The following SAMD3 variants were observed in gnomAD, a reference collection of about 807,000 sequenced individuals.
SAMD3 encodes sterile alpha motif domain containing 3.
In SAMD3, 63 loss-of-function variants were observed where a neutral mutation model predicts 58.5. The ratio of observed to expected loss-of-function variants is 1.08; its 90% CI spans 0.88 to 1.33. The LOEUF is 1.33. Among genes scored for constraint, SAMD3 ranks in the 40% most tolerant of loss-of-function variants. SAMD3 has a pLI of 0.00. For synonymous variants in SAMD3, 220 were observed against 210.3 expected (o/e 1.05, Z -0.40); for missense variants, 604 against 608.4 (o/e 0.99, Z 0.08).
At chr6:130,329,436 A>T (rs1283778678) in intron 1 of SAMD3, among the ~76,000 whole-genome samples, 5 of 152,260 alleles carry the variant, frequency 3.3e-5, no homozygotes, top group Admixed American at 2.6e-4. Context: ...TGAAATTTTT[A>T]AAAAGCCAAA....
downstream of SAMD3, chr6:130,143,902 G>GAGA (rs1788394574): frequency 6.6e-6 from 1 of 152,450 alleles, no homozygotes. Context: ...TTTCCAAGGC[G>GAGA]AGAAGCAGTA....
intron 1 of SAMD3, among the ~76,000 whole-genome samples, chr6:130,347,949 A>T (rs1043586972): frequency 6.6e-6 from 1 of 152,234 alleles, no homozygotes; most frequent in Non-Finnish European, 1.5e-5. Context: ...AAGAATTTTC[A>T]ACCCAGAATT....
At chr6:130,205,287 T>TTATTA (rs1794988336) in intron 5 of SAMD3, among the ~76,000 whole-genome samples, 1 of 150,172 alleles carries the variant, frequency 6.7e-6, no homozygotes, top group African/African-American at 2.5e-5. Context: ...AAGTTCTATT[T>TTATTA]TATTATATTT....
At chr6:130,202,144 T>C (rs1358212704) in intron 5 of SAMD3, among the ~76,000 whole-genome samples, 1 of 152,216 alleles carries the variant, frequency 6.6e-6, no homozygotes, top group Non-Finnish European at 1.5e-5. Context: ...TCCACAGATA[T>C]CTTCCCCTGA....
intron 2 of SAMD3, among the ~76,000 whole-genome samples, chr6:130,310,393 AC>A (rs771077228): frequency 6.6e-6 from 1 of 152,216 alleles, no homozygotes. Flanking sequence ...TTTATAATTA[AC>A]CAAAGGAATA....
chr6:130,264,799 C>T (rs1420410912), intron 2 of SAMD3, among the ~76,000 whole-genome samples: 3 of 152,116 alleles, frequency 2.0e-5, no homozygotes, highest in Non-Finnish European at 2.9e-5. Flanking sequence ...AAACTCATGT[C>T]GGCCTCAGTC....
intron 2 of SAMD3, among the ~76,000 whole-genome samples, chr6:130,256,373 A>G (rs1172531501): frequency 6.6e-6 from 1 of 152,120 alleles, no homozygotes; most frequent in Non-Finnish European, 1.5e-5. Flanking sequence ...GACCACATGT[A>G]ATTGTACTCC....
chr6:130,359,990 T>C (rs913385319), intron 1 of SAMD3, among the ~76,000 whole-genome samples: 2 of 152,222 alleles, frequency 1.3e-5, no homozygotes, highest in Admixed American at 6.5e-5. Flanking sequence ...TCTGTGGTTA[T>C]GTGATCTTAA....
At chr6:130,213,103 T>C (rs1003889501) in intron 4 of SAMD3, among the ~76,000 whole-genome samples, 7 of 152,028 alleles carry the variant, frequency 4.6e-5, no homozygotes, top group African/African-American at 1.7e-4. Context: ...GGCAACACAG[T>C]GAAACCACCA....
chr6:130,261,871 C>A (rs557393652), intron 2 of SAMD3, among the ~76,000 whole-genome samples: 1 of 152,158 alleles, frequency 6.6e-6, no homozygotes, highest in African/African-American at 2.4e-5. Flanking sequence ...CATACATAGA[C>A]ACTTGGTTAC....
rs191239390 is a variant in SAMD3 at position 130,230,411 on chromosome 6, G to A, written c.-187-7598C>T. ...TCTTCTTTTTTTTCTTTTTTTAGACGGAGTCTTGCTCTGTCTCCCAGGCTG... is the reference window on the plus strand; with the variant it reads ...TCTTCTTTTTTTTCTTTTTTTAGACAGAGTCTTGCTCTGTCTCCCAGGCTG... On this transcript the variant is annotated intron_variant, in intron 2 of 13. Coordinates refer to the SAMD3 transcript ENST00000368134. 5.3e-5 allele frequency among the ~76,000 whole-genome samples: 8 copies of A among 151,860 alleles called. No individual in the cohort carries two copies. In the East Asian group the frequency reaches 1.2e-3, roughly 22 times the overall value.
At chr6:130,215,588 G>T in intron 2 of SAMD3, 1 of 1,353,242 alleles carries the variant, frequency 7.4e-7, no homozygotes, top group African/African-American at 1.5e-5. Context: ...AGACAGCCAG[G>T]GACATACAAT....
intron 1 of SAMD3, among the ~76,000 whole-genome samples, chr6:130,353,388 CAT>C (rs1225260864): frequency 6.6e-6 from 1 of 152,132 alleles, no homozygotes; most frequent in East Asian, 1.9e-4. Context: ...GCACCTAACA[CAT>C]GTGTTTTTGT....
At chr6:130,261,483 C>T (rs938764630) in intron 2 of SAMD3, among the ~76,000 whole-genome samples, 2 of 152,090 alleles carry the variant, frequency 1.3e-5, no homozygotes, top group Non-Finnish European at 2.9e-5. Flanking sequence ...TTGCTTGATA[C>T]TTTGGTTTTG....
At chr6:130,198,790 C>A (rs1225100837) in intron 5 of SAMD3, among the ~76,000 whole-genome samples, 1 of 152,158 alleles carries the variant, frequency 6.6e-6, no homozygotes, top group Non-Finnish European at 1.5e-5. Context: ...AAAGGTCAGA[C>A]ACGCCAAAAA....
At chr6:130,253,868 G>A (rs1773832949) in intron 2 of SAMD3, among the ~76,000 whole-genome samples, 1 of 151,874 alleles carries the variant, frequency 6.6e-6, no homozygotes, top group African/African-American at 2.4e-5. Flanking sequence ...TGTTATTAGT[G>A]TATCTTCATT....
At position 130,292,273 on chromosome 6, in the gene SAMD3, T is replaced by C. The variant is rs940543918; in HGVS notation, c.-188+20705A>G. On this transcript the variant is annotated intron_variant, in intron 2 of 13. Coordinates refer to the SAMD3 transcript ENST00000368134. ...AATAACTTTTTTTTTCTTTCTTTCTTTTTTTTTTTTTTTTGAGACGGAGTC... is the reference window on the plus strand; with the variant it reads ...AATAACTTTTTTTTTCTTTCTTTCTCTTTTTTTTTTTTTTGAGACGGAGTC... 6.9e-5 allele frequency among the ~76,000 whole-genome samples: 10 copies of C among 145,888 alleles called. No homozygotes were observed. In the East Asian group the frequency reaches 1.0e-3, roughly 15 times the overall value.
At position 130,205,399 on chromosome 6, in the gene SAMD3, G is replaced by T. The variant is rs1582918451; in HGVS notation, c.383+4096C>A. ...GCTCACTGCAACCTCTGCCTCCTGG[G>T]TTCAAGTGATTCTACTGCCTCTGCC... On this transcript the variant is annotated intron_variant, in intron 5 of 11. Transcript: ENST00000439090. Among the ~76,000 whole-genome samples, 6 of 152,156 alleles carry T rather than the reference G, an allele frequency of 3.9e-5. 2 individuals are homozygous for T. The highest frequency in any genetic ancestry group is 3.9e-4 in the Admixed American group (6 of 15,272).
At chr6:130,330,580 G>A (rs1489216274) in intron 1 of SAMD3, among the ~76,000 whole-genome samples, 1 of 152,092 alleles carries the variant, frequency 6.6e-6, no homozygotes, top group African/African-American at 2.4e-5. Flanking sequence ...TTGAGTTTGA[G>A]GAACATTTTA....
Sources: gnomAD v4.1 joint callset for allele counts (sites outside exome capture counted in the v4.1 genomes callset) on GRCh38, gnomAD v4.1.1 for gene constraint, MANE v1.5 for transcripts, NCBI Gene and HGNC (gene_info 2026-07-23, HGNC 2026-07-21) for gene names.